Variants in SGK3 observed in about 807,000 individuals in gnomAD.
SGK3 encodes the protein serine/threonine-protein kinase Sgk3.
In SGK3, 47 loss-of-function variants were observed where a neutral mutation model predicts 68.5. The ratio of observed to expected loss-of-function variants is 0.69; its 90% CI spans 0.54 to 0.87. SGK3 has a LOEUF of 0.87. Ranked by LOEUF, SGK3 falls within the 40% of genes least tolerant of loss-of-function variation. SGK3 has a pLI of 0.00. For missense variants in SGK3, 479 were observed against 575.5 expected (o/e 0.83, Z 1.72); for synonymous variants, 181 against 189.1 (o/e 0.96, Z 0.35).
intron 5 of SGK3, among the ~76,000 whole-genome samples, chr8:66,817,299 C>A (rs1272967472): frequency 6.6e-6 from 1 of 151,878 alleles, no homozygotes; most frequent in Non-Finnish European, 1.5e-5. Context: ...GGCATGGTGG[C>A]CTGTGCCTGT....
chr8:66,837,266 T>C (rs1404163759), intron 10 of SGK3, among the ~76,000 whole-genome samples: 4 of 152,206 alleles, frequency 2.6e-5, no homozygotes, highest in African/African-American at 7.2e-5. Context: ...TCTAAAAAAT[T>C]TTTTTAACTA....
At chr8:66,836,982 G>A (rs1325276598) in intron 10 of SGK3, among the ~76,000 whole-genome samples, 1 of 151,950 alleles carries the variant, frequency 6.6e-6, no homozygotes, top group Non-Finnish European at 1.5e-5. Context: ...TACACTTTGG[G>A]AAATGCTGCT....
chr8:66,752,706 C>T (rs1343761617), intron 1 of SGK3, among the ~76,000 whole-genome samples: 3 of 151,812 alleles, frequency 2.0e-5, no homozygotes, highest in Non-Finnish European at 2.9e-5. Context: ...CTAAAGGGGG[C>T]CAGGTGCTTA....
chr8:66,839,952 T>G (rs1563654890), intron 10 of SGK3, 51 bp from the exon 11 acceptor site: 1 of 1,508,876 alleles, frequency 6.6e-7, no homozygotes, highest in East Asian at 2.3e-5. Context: ...ATGCTATGTG[T>G]GAATGATCCT....
intron 1 of SGK3, among the ~76,000 whole-genome samples, chr8:66,743,026 T>G (rs1006740089): frequency 4.6e-5 from 7 of 152,188 alleles, no homozygotes; most frequent in Non-Finnish European, 1.0e-4. Flanking sequence ...GTAATTCTAT[T>G]AAGTCTGTAA....
rs746361572 is a variant in SGK3 at position 66,849,822 on chromosome 8, T to C, written c.1231-1009T>C. On this transcript the variant is annotated intron_variant, in intron 15 of 16. Transcript: ENST00000521198. ...TTGAACTCCTGGGTTCAAGTGATCCTCCCACTTCGGACTCCCAAAGTGCTG... is the reference window on the plus strand; with the variant it reads ...TTGAACTCCTGGGTTCAAGTGATCCCCCCACTTCGGACTCCCAAAGTGCTG... 3.9e-5 allele frequency among the ~76,000 whole-genome samples: 6 copies of C among 152,170 alleles called. No individual in the cohort carries two copies. The East Asian group carries it at 1.2e-3, about 30-fold the overall frequency.
At chr8:66,831,940 G>A (rs1045560866) in intron 8 of SGK3, among the ~76,000 whole-genome samples, 2 of 150,080 alleles carry the variant, frequency 1.3e-5, no homozygotes, top group African/African-American at 4.9e-5. Context: ...TCGGTGGGGG[G>A]ATAGTCAATT....
chr8:66,761,332 G>C (rs968523120), intron 1 of SGK3, among the ~76,000 whole-genome samples: 3 of 152,162 alleles, frequency 2.0e-5, no homozygotes, highest in African/African-American at 7.2e-5. Flanking sequence ...AACTACAAGT[G>C]ATGGTGAAGA....
At chr8:66,756,842 C>T (rs1208335136) in intron 1 of SGK3, among the ~76,000 whole-genome samples, 1 of 151,730 alleles carries the variant, frequency 6.6e-6, no homozygotes, top group Non-Finnish European at 1.5e-5. Flanking sequence ...CTGCCTGCCT[C>T]GGCCTCCCAA....
chr8:66,728,387 C>T (rs1289953986), intron 1 of SGK3, among the ~76,000 whole-genome samples: 1 of 150,780 alleles, frequency 6.6e-6, no homozygotes, highest in African/African-American at 2.4e-5. Flanking sequence ...AGTGCAATGG[C>T]GAAATCTCAG....
At chr8:66,813,350 T>C (rs990801333) in intron 4 of SGK3, among the ~76,000 whole-genome samples, 5 of 152,192 alleles carry the variant, frequency 3.3e-5, no homozygotes. Flanking sequence ...TGTTTGTTTG[T>C]TTTTCACAGT....
At chr8:66,725,084 G>A (rs976941876) in intron 1 of SGK3, among the ~76,000 whole-genome samples, 12 of 152,088 alleles carry the variant, frequency 7.9e-5, no homozygotes, top group Admixed American at 1.3e-4. Flanking sequence ...AATTAGCTGG[G>A]TGTGGTGGCG....
At chr8:66,848,024 A>G (rs1444822343) in intron 15 of SGK3, among the ~76,000 whole-genome samples, 1 of 151,994 alleles carries the variant, frequency 6.6e-6, no homozygotes, top group African/African-American at 2.4e-5. Context: ...AGGAATATGA[A>G]CTTTTGAACT....
chr8:66,846,553 A>G (rs1023400754), intron 14 of SGK3, among the ~76,000 whole-genome samples: 22 of 152,120 alleles, frequency 1.4e-4, no homozygotes, highest in African/African-American at 4.8e-5. Flanking sequence ...GCCTCAAGCA[A>G]TCTGCCCACC....
chr8:66,766,233 A>G (rs966589433), intron 1 of SGK3, among the ~76,000 whole-genome samples: 5 of 151,776 alleles, frequency 3.3e-5, no homozygotes, highest in South Asian at 4.2e-4. Context: ...ACAAATATCA[A>G]TTAAGTTGGC....
At chr8:66,722,771 C>T (rs1804831838) in intron 1 of SGK3, among the ~76,000 whole-genome samples, 1 of 152,072 alleles carries the variant, frequency 6.6e-6, no homozygotes, top group African/African-American at 2.4e-5. Flanking sequence ...GCAGGCTGTA[C>T]AGGAAGCATC....
At chr8:66,728,708 G>A (rs1156616588) in intron 1 of SGK3, among the ~76,000 whole-genome samples, 2 of 152,080 alleles carry the variant, frequency 1.3e-5, no homozygotes, top group Non-Finnish European at 2.9e-5. Flanking sequence ...TTCAAGACAA[G>A]CCTGGGCAAT....
chr8:66,762,121 ACCATGC>A (rs1806188703), intron 1 of SGK3, among the ~76,000 whole-genome samples: 1 of 152,122 alleles, frequency 6.6e-6, no homozygotes, highest in South Asian at 2.1e-4. Flanking sequence ...GGCGCCTGCT[ACCATGC>A]CCGGCTAACT....
chr8:66,846,946 A>C (rs1307936569), intron 14 of SGK3, among the ~76,000 whole-genome samples: 1 of 152,196 alleles, frequency 6.6e-6, no homozygotes, highest in East Asian at 1.9e-4. Context: ...ATATAATTTA[A>C]CAGCTGTCTA....
Sources: allele counts gnomAD v4.1 joint callset (sites outside exome capture counted in the v4.1 genomes callset), GRCh38; gene constraint gnomAD v4.1.1; transcripts MANE v1.5; gene names NCBI Gene and HGNC (gene_info 2026-07-23, HGNC 2026-07-21).